Variants in SLC27A4 observed in about 807,000 individuals in gnomAD.
SLC27A4 encodes long-chain fatty acid transport protein 4.
In SLC27A4, 33 loss-of-function variants were observed where a neutral mutation model predicts 64.4. The ratio of observed to expected loss-of-function variants is 0.51; its 90% CI spans 0.39 to 0.68. SLC27A4 has a LOEUF of 0.68. Ranked by LOEUF, SLC27A4 falls within the 30% of genes least tolerant of loss-of-function variation. The pLI is 0.00. For missense variants in SLC27A4, 824 were observed against 883.5 expected, an observed-to-expected ratio of 0.93 and a Z score of 0.85; for synonymous variants, 377 against 370.0, an observed-to-expected ratio of 1.02 and a Z score of -0.22.
chr9:128,350,247 A>T (rs1214028418), intron 4 of SLC27A4, 65 bp from the exon 5 acceptor site: 13 of 1,399,320 alleles, frequency 9.3e-6, no homozygotes, highest in Non-Finnish European at 1.3e-5. Context: ...GCAGGTGTCC[A>T]TTTGTGTGAC....
At chr9:128,344,556 G>C (rs1355291029) in intron 2 of SLC27A4, among the ~76,000 whole-genome samples, 1 of 152,090 alleles carries the variant, frequency 6.6e-6, no homozygotes, top group Admixed American at 6.6e-5. Flanking sequence ...GCAGGAATGG[G>C]ATGTTGCCAA....
At chr9:128,354,484 C>T (rs1271374588) in intron 9 of SLC27A4, among the ~76,000 whole-genome samples, 1 of 152,102 alleles carries the variant, frequency 6.6e-6, no homozygotes, top group African/African-American at 2.4e-5. Flanking sequence ...AGGCTTGGGG[C>T]GCTGGCTTTG....
At chr9:128,340,910 G>T in intron 1 of SLC27A4, 72 bp downstream of exon 1, 1 of 526,318 alleles carries the variant, frequency 1.9e-6, no homozygotes, top group Non-Finnish European at 3.5e-6. Flanking sequence ...AGGTGGCGGT[G>T]CGGACCCCAG....
Position 128,355,698 on chromosome 9 carries a change from A to G in SLC27A4, c.1676A>G (p.Asn559Ser), listed in dbSNP as rs771927403. 4 of 1,612,998 alleles carry G rather than the reference A, an allele frequency of 2.5e-6. No individual in the cohort carries two copies. In the African/African-American group the frequency reaches 5.3e-5, roughly 22 times the overall value. Residue 559 changes from asparagine to serine, a missense_variant, in exon 12 of 13, where the codon AAC becomes AGC. By Grantham distance (46) the Asn-to-Ser change is conservative. Coordinates refer to ENST00000300456, the MANE Select transcript of SLC27A4 (RefSeq NM_005094.4). ...GCTGCTGTGGCCAGCCCCACTGGCA[A>G]CTGTGACCTGGAGCGCTTTGCTCAG... ...GMAAVASPTG[N>S]CDLERFAQVL... is the part of the protein sequence containing the mutation.
At chr9:128,356,612 T>C (rs1277742218) in intron 12 of SLC27A4, among the ~76,000 whole-genome samples, 1 of 152,070 alleles carries the variant, frequency 6.6e-6, no homozygotes, top group East Asian at 1.9e-4. Context: ...GAGACCAGCC[T>C]GCCCAACATG....
chr9:128,346,897 C>T (rs1012480920), intron 3 of SLC27A4, among the ~76,000 whole-genome samples: 5 of 151,590 alleles, frequency 3.3e-5, no homozygotes, highest in African/African-American at 9.7e-5. Context: ...CCCAGCTACT[C>T]GGGAGACTGA....
Position 128,345,293 on chromosome 9 carries a change from C to T in SLC27A4, c.300C>T (p.Thr100=), listed in dbSNP as rs2131253449. Residue 100 remains threonine, a synonymous_variant, in exon 3 of 13, where the codon ACC becomes ACT. Coordinates refer to ENST00000300456, the MANE Select transcript of SLC27A4 (RefSeq NM_005094.4). This position sits in a 1 kb window ranked among gnomAD's most constrained non-coding sequence, Gnocchi z 4.1. ...KTALIFEGTD[T]HWTFRQLDEY... is the part of the protein sequence containing the mutation. ...CCCTGATCTTCGAGGGCACAGATAC[C>T]CACTGGACCTTCCGCCAGCTGGATG... 2 of 1,613,954 alleles carry T rather than the reference C, an allele frequency of 1.2e-6. No individual in the cohort carries two copies. Among genetic ancestry groups the T allele is most frequent in the African/African-American group, 1.3e-5 (1 of 75,024 alleles).
At chr9:128,341,761 C>T (rs1033002562) in intron 1 of SLC27A4, among the ~76,000 whole-genome samples, 3 of 151,136 alleles carry the variant, frequency 2.0e-5, no homozygotes, top group South Asian at 2.1e-4. Context: ...TTTTTTGAGA[C>T]GGAGTCTCGC....
Position 128,348,624 on chromosome 9 carries a change from T to A in SLC27A4, c.636T>A (p.Pro212=). The part of the protein sequence containing the change: ...CSGSWEPGAV[P]PSTEHLDPLL... ...GCTCCTGGGAGCCCGGTGCGGTGCC[T>A]CCAAGCACAGAACACCTGGACCCTC... Residue 212 remains proline, a synonymous_variant, in exon 4 of 13, where the codon CCT becomes CCA. Coordinates refer to ENST00000300456, the MANE Select transcript of SLC27A4 (RefSeq NM_005094.4). 4 of 1,613,898 alleles carry A rather than the reference T, an allele frequency of 2.5e-6. No individual in the cohort carries two copies. Among genetic ancestry groups the A allele is most frequent in the Non-Finnish European group, 3.4e-6 (4 of 1,179,988 alleles).
At chr9:128,349,398 G>T (rs1832702696) in intron 4 of SLC27A4, among the ~76,000 whole-genome samples, 2 of 152,122 alleles carry the variant, frequency 1.3e-5, no homozygotes, top group South Asian at 4.1e-4. Flanking sequence ...ATAAAACTGG[G>T]GACAGTAGCA....
At position 128,350,375 on chromosome 9, in the gene SLC27A4, A is replaced by G; in HGVS notation, c.779A>G (p.His260Arg). 3 of 1,613,450 alleles carry G rather than the reference A, an allele frequency of 1.9e-6. No homozygotes were observed. The highest frequency in any genetic ancestry group is 1.7e-6 in the Non-Finnish European group (2 of 1,179,956). Reference sequence around the variant, plus strand: ...CTGCCCAAGGCCGCCATCGTGGTGCACAGCAGGTAAGGGGCAGGTGCCCAG... The same window carrying G: ...CTGCCCAAGGCCGCCATCGTGGTGCGCAGCAGGTAAGGGGCAGGTGCCCAG... ...TGLPKAAIVV[H>R]SRYYRMAALV... Residue 260 changes from histidine (H) to arginine (R), a missense_variant, in exon 5 of 13, where the codon CAC (histidine) becomes CGC (arginine). By Grantham distance (29) the His-to-Arg change is conservative. Coordinates refer to ENST00000300456, the MANE Select transcript of SLC27A4 (RefSeq NM_005094.4).
intron 1 of SLC27A4, among the ~76,000 whole-genome samples, chr9:128,341,536 C>A (rs1199683496): frequency 1.3e-5 from 2 of 152,158 alleles, no homozygotes; most frequent in Non-Finnish European, 2.9e-5. Context: ...ATCAGCTTTG[C>A]CCCCTGGGCG....
chr9:128,346,106 G>T (rs1244425853), intron 3 of SLC27A4, among the ~76,000 whole-genome samples: 2 of 152,126 alleles, frequency 1.3e-5, no homozygotes, highest in Non-Finnish European at 2.9e-5. Flanking sequence ...TTGCCATGTT[G>T]CCCAGGCTGG....
intron 3 of SLC27A4, among the ~76,000 whole-genome samples, chr9:128,348,026 G>A (rs1039260248): frequency 3.9e-5 from 6 of 152,180 alleles, no homozygotes; most frequent in African/African-American, 1.4e-4. Context: ...CATGCCCGGG[G>A]GTGGGGGTTA....
In SLC27A4 at chr9:128,360,250, C is replaced by T; in HGVS notation, c.1775-84C>T. Reference sequence around the variant, plus strand: ...CCCCTGTTTGTCCTCCAGCCCTGCTCCCTGCCTTCCTCAGTACTGGTGGTT... The same window carrying T: ...CCCCTGTTTGTCCTCCAGCCCTGCTTCCTGCCTTCCTCAGTACTGGTGGTT... On this transcript the variant is annotated intron_variant, in intron 12 of 12. Transcript: ENST00000300456. The T allele has an allele frequency of 4.7e-6, 7 of 1,485,236 alleles. No homozygotes were observed. The South Asian group carries it at 6.8e-5, about 14-fold the overall frequency. 92.0% of individuals were successfully genotyped at this position (1,485,236 alleles called of 1,614,324 possible). A position where few individuals can be genotyped will look rare whatever the true frequency, so the allele number is the denominator to read the frequency against.
intron 10 of SLC27A4, 59 bp from the exon 11 acceptor site, chr9:128,355,339 T>G: frequency 6.2e-7 from 1 of 1,609,788 alleles, no homozygotes; most frequent in South Asian, 1.1e-5. Context: ...CCTCCCTGGC[T>G]TGAGCCCTGG....
At position 128,353,648 on chromosome 9, in the gene SLC27A4, T is replaced by C; in HGVS notation, c.1324+107T>C. The C allele has an allele frequency of 2.6e-6, 3 of 1,157,928 alleles. No homozygotes were observed. The highest frequency in any genetic ancestry group is 3.7e-6 in the Non-Finnish European group (3 of 808,112). 71.7% of individuals were successfully genotyped at this position (1,157,928 alleles called of 1,614,324 possible). A position where few individuals can be genotyped will look rare whatever the true frequency, so the allele number is the denominator to read the frequency against. On this transcript the variant is annotated intron_variant, in intron 9 of 12. Coordinates refer to ENST00000300456, the MANE Select transcript of SLC27A4 (RefSeq NM_005094.4). The surrounding 1 kb of genome is among the most constrained non-coding windows in gnomAD (Gnocchi z 4.9). ...CTGACCAGTGGCCATCAGTTATCTC[T>C]GCTCTTAGGGTTACAAGTTACTCAT...
chr9:128,357,252 ACT>A (rs1468658670), intron 12 of SLC27A4, among the ~76,000 whole-genome samples: 1 of 133,140 alleles, frequency 7.5e-6, no homozygotes, highest in East Asian at 2.2e-4. Context: ...ACAGAGTGAG[ACT>A]CTGTCTCAAA....
Position 128,345,647 on chromosome 9 carries a change from G to A in SLC27A4, c.556+98G>A. On this transcript the variant is annotated intron_variant, in intron 3 of 12. Transcript: ENST00000300456. This position sits in a 1 kb window ranked among gnomAD's most constrained non-coding sequence, Gnocchi z 4.1. The stretch of plus-strand genomic sequence containing the variant: ...CCTGCCAAGGCTGTGTGGGTCAGTG[G>A]TTAAGGGCACAGAGTGGAGTCAGAC... 7.2e-7 allele frequency: 1 copy of A among 1,389,902 alleles called. No homozygotes were observed. Among genetic ancestry groups the A allele is most frequent in the Non-Finnish European group, 9.6e-7 (1 of 1,045,160 alleles). The allele number at this position is 1,389,902 out of a possible 1,614,324, so 86.1% of individuals were successfully genotyped here.
Sources: allele counts gnomAD v4.1 joint callset (sites outside exome capture counted in the v4.1 genomes callset), GRCh38; gene constraint gnomAD v4.1.1; non-coding constraint Gnocchi (gnomAD v3.1); transcripts MANE v1.5; gene names NCBI Gene and HGNC (gene_info 2026-07-23, HGNC 2026-07-21).